Variants in ATRNL1 observed in about 807,000 individuals in gnomAD.
ATRNL1 encodes the protein attractin like 1, also known as attractin-like protein 1.
Under a neutral mutation model 182.7 loss-of-function variants are expected in ATRNL1, and 95 were observed. The observed-to-expected ratio is 0.52, with a 90% CI of 0.44 to 0.62. ATRNL1 has a LOEUF of 0.62. Among genes scored for constraint, ATRNL1 ranks in the 20% least tolerant of loss-of-function variants. The probability of loss-of-function intolerance (pLI) is 0.00; values close to 1 mark genes in which losing one functional copy is unlikely to be tolerated. For missense variants in ATRNL1, 1,471 were observed against 1,679.5 expected, an observed-to-expected ratio of 0.88 and a Z score of 2.17; for synonymous variants, 576 against 568.3, an observed-to-expected ratio of 1.01 and a Z score of -0.19.
At chr10:115,108,694 G>C (rs1844129720) in intron 1 of ATRNL1, among the ~76,000 whole-genome samples, 1 of 152,130 alleles carries the variant, frequency 6.6e-6, no homozygotes, top group South Asian at 2.1e-4. Flanking sequence ...AAAATGTCTA[G>C]TCCTTAGTTC....
intron 20 of ATRNL1, among the ~76,000 whole-genome samples, chr10:115,403,257 C>CTTTT (rs59256867): frequency 0.062 from 6,669 of 107,224 alleles, 559 homozygotes; most frequent in African/African-American, 0.16. Context: ...TTACTCTCAT[C>CTTTT]TTTTTTTTTT....
chr10:115,499,205 T>C (rs1235621178), intron 24 of ATRNL1, among the ~76,000 whole-genome samples: 1 of 152,148 alleles, frequency 6.6e-6, no homozygotes, highest in Non-Finnish European at 1.5e-5. Context: ...TAACAATATT[T>C]TTTTGACAAA....
intron 27 of ATRNL1, among the ~76,000 whole-genome samples, chr10:115,825,535 A>T (rs1277277361): frequency 3.9e-5 from 6 of 151,948 alleles, no homozygotes; most frequent in Non-Finnish European, 8.8e-5. Context: ...CACCCCCAAC[A>T]TGGCATCTCG....
chr10:115,405,609 A>G (rs1844782320), intron 20 of ATRNL1, among the ~76,000 whole-genome samples: 2 of 152,176 alleles, frequency 1.3e-5, no homozygotes, highest in South Asian at 4.1e-4. Context: ...TGCTGCATTC[A>G]GATAGCTGTA....
At chr10:115,315,841 A>C in intron 18 of ATRNL1, 105 bp downstream of exon 18, 1 of 901,682 alleles carries the variant, frequency 1.1e-6, no homozygotes, top group Non-Finnish European at 1.7e-6. Flanking sequence ...AAAAAGCAGA[A>C]TGAAAATGAG....
At chr10:115,374,324 T>A (rs1387855805) in intron 19 of ATRNL1, among the ~76,000 whole-genome samples, 2 of 151,736 alleles carry the variant, frequency 1.3e-5, no homozygotes, top group Non-Finnish European at 3.0e-5. Flanking sequence ...TTTTATTTTT[T>A]TCTAGTTCCT....
At position 115,135,407 on chromosome 10, in the gene ATRNL1, C is replaced by T. The variant is rs143169405; in HGVS notation, c.829+5872C>T. 8.6e-3 allele frequency among the ~76,000 whole-genome samples: 1,307 copies of T among 152,204 alleles called. 19 individuals carry two copies. The highest frequency in any genetic ancestry group is 0.028 in the African/African-American group (1,162 of 41,502). On this transcript the variant is annotated intron_variant, in intron 5 of 28. Transcript: ENST00000355044. ...ACACCAATAACATTCAAACAGAGAG[C>T]CAAATCATGAGTGAACTCCCATTCA...
intron 26 of ATRNL1, among the ~76,000 whole-genome samples, chr10:115,671,701 A>G (rs1253873769): frequency 1.3e-5 from 2 of 152,130 alleles, no homozygotes; most frequent in Admixed American, 6.6e-5. Context: ...GCAGGGAACA[A>G]TTTGGGCAGC....
intron 9 of ATRNL1, among the ~76,000 whole-genome samples, chr10:115,238,629 T>G (rs543640193): frequency 2.0e-5 from 3 of 150,440 alleles, no homozygotes; most frequent in Admixed American, 2.0e-4. Flanking sequence ...TTTTTTTGGT[T>G]GTTGTTGTTG....
chr10:115,693,029 A>G (rs1946442220), intron 26 of ATRNL1, among the ~76,000 whole-genome samples: 1 of 152,124 alleles, frequency 6.6e-6, no homozygotes. Context: ...GATATTTGAC[A>G]TATTTATGTA....
At chr10:115,913,816 C>T (rs1952759537) in intron 28 of ATRNL1, among the ~76,000 whole-genome samples, 1 of 152,178 alleles carries the variant, frequency 6.6e-6, no homozygotes, top group South Asian at 2.1e-4. Flanking sequence ...TGCCCCCAAA[C>T]TGTGACTGGG....
chr10:115,567,489 A>T lies in ATRNL1; in HGVS notation c.3795+17953A>T, dbSNP rs78790707. 8.3e-3 allele frequency among the ~76,000 whole-genome samples: 1,265 copies of T among 152,264 alleles called. 17 individuals carry two copies. Among genetic ancestry groups the T allele is most frequent in the African/African-American group, 0.029 (1,205 of 41,580 alleles). On this transcript the variant is annotated intron_variant, in intron 26 of 28. Transcript: ENST00000355044. ...AGATCTATTTTATGCAGAAATTTAT[A>T]TCAATTAAAAGTACATATCACATGA...
chr10:115,875,904 A>G (rs1218130174), intron 28 of ATRNL1, among the ~76,000 whole-genome samples: 1 of 152,238 alleles, frequency 6.6e-6, no homozygotes. Context: ...CTGAGTAAAT[A>G]ATATTCTAGC....
intron 19 of ATRNL1, among the ~76,000 whole-genome samples, chr10:115,378,940 T>TA: frequency 6.6e-6 from 1 of 152,182 alleles, no homozygotes; most frequent in Non-Finnish European, 1.5e-5. Flanking sequence ...AGCAAGGAAA[T>TA]AATGATATAG....
chr10:115,839,509 G>T (rs782173480), intron 27 of ATRNL1, among the ~76,000 whole-genome samples: 1 of 151,812 alleles, frequency 6.6e-6, no homozygotes, highest in Non-Finnish European at 1.5e-5. Flanking sequence ...AACTTCTATC[G>T]ATTTCCAATA....
intron 26 of ATRNL1, among the ~76,000 whole-genome samples, chr10:115,616,619 T>C (rs376836314): frequency 3.3e-5 from 5 of 152,190 alleles, no homozygotes; most frequent in Non-Finnish European, 7.3e-5. Flanking sequence ...GTGAGGCCCA[T>C]GCTTATAGCC....
At chr10:115,760,599 T>G (rs1178502853) in intron 27 of ATRNL1, among the ~76,000 whole-genome samples, 2 of 152,122 alleles carry the variant, frequency 1.3e-5, no homozygotes, top group African/African-American at 2.4e-5. Flanking sequence ...ATTAAGCCAT[T>G]GAATTGTAAA....
intron 19 of ATRNL1, among the ~76,000 whole-genome samples, chr10:115,342,733 T>A (rs1194417445): frequency 2.0e-5 from 3 of 152,136 alleles, no homozygotes; most frequent in African/African-American, 7.2e-5. Flanking sequence ...TCATTTTTTT[T>A]TTCTGTTTGG....
At chr10:115,720,275 A>G (rs1254033539) in intron 26 of ATRNL1, among the ~76,000 whole-genome samples, 1 of 152,280 alleles carries the variant, frequency 6.6e-6, no homozygotes, top group South Asian at 2.1e-4. Flanking sequence ...TCGCCCCTGT[A>G]AGAAGTACTG....
Sources: allele counts gnomAD v4.1 joint callset (sites outside exome capture counted in the v4.1 genomes callset), GRCh38; gene constraint gnomAD v4.1.1; transcripts MANE v1.5; gene names NCBI Gene and HGNC (gene_info 2026-07-23, HGNC 2026-07-21).